FAM163A: variants seen among roughly 807,000 people sequenced by gnomAD.
FAM163A encodes the protein protein FAM163A.
FAM163A carries 7 observed loss-of-function variants against 12.0 expected under a neutral mutation model. The observed-to-expected ratio is 0.58, with a 90% CI of 0.33 to 1.10. FAM163A has a LOEUF of 1.10. FAM163A is among the 50% of genes least tolerant of loss of function. The probability of loss-of-function intolerance (pLI) is 0.03; values close to 1 mark genes in which losing one functional copy is unlikely to be tolerated. For missense variants in FAM163A, 202 were observed against 218.6 expected, an observed-to-expected ratio of 0.92 and a Z score of 0.48; for synonymous variants, 101 against 91.0, an observed-to-expected ratio of 1.11 and a Z score of -0.62.
chr1:179,735,495 CTTTTTTTTTTTTTT>C, the FAM163A span, among the ~76,000 whole-genome samples: 2 of 62,184 alleles, frequency 3.2e-5, no homozygotes, highest in East Asian at 5.3e-4. Flanking sequence ...GAGTTACATT[CTTTTTTTTTTTTTT>C]TTTTTTTTTT....
the FAM163A span, among the ~76,000 whole-genome samples, chr1:179,733,389 G>C: frequency 1.3e-5 from 2 of 152,100 alleles, no homozygotes; most frequent in African/African-American, 4.8e-5. Context: ...TGGTTCCCAA[G>C]AAATGACTAT....
intron 1 of FAM163A, among the ~76,000 whole-genome samples, chr1:179,761,117 A>T (rs1018947623): frequency 6.6e-6 from 1 of 152,228 alleles, no homozygotes; most frequent in African/African-American, 2.4e-5. Context: ...AAAAATAGTC[A>T]TGATATATTA....
At chr1:179,754,049 C>A (rs1425398912) in intron 1 of FAM163A, among the ~76,000 whole-genome samples, 1 of 152,190 alleles carries the variant, frequency 6.6e-6, no homozygotes, top group Non-Finnish European at 1.5e-5. Context: ...CCAATTCTCC[C>A]AGGCGGGTGA....
At chr1:179,733,489 A>G in the FAM163A span, among the ~76,000 whole-genome samples, 1 of 152,198 alleles carries the variant, frequency 6.6e-6, no homozygotes, top group Admixed American at 6.5e-5. Flanking sequence ...AAACATGTAA[A>G]GCTAAATAAA....
intron 2 of FAM163A, among the ~76,000 whole-genome samples, chr1:179,811,365 G>A (rs577265793): frequency 8.5e-4 from 130 of 152,312 alleles, no homozygotes; most frequent in African/African-American, 2.9e-3. Context: ...CTTCACTGGT[G>A]TGGGGGACAG....
chr1:179,814,199 C>T lies in FAM163A; in HGVS notation c.*10C>T. On this transcript the variant is annotated 3_prime_UTR_variant, in exon 5 of 5. Coordinates refer to ENST00000341785, the MANE Select transcript of FAM163A (RefSeq NM_173509.3). ...TAGTACAGACGTGTAAATCCTTCCA[C>T]CCCGACCCGCACACACACCCACACT... The T allele has an allele frequency of 6.3e-7, 1 of 1,594,062 alleles. No homozygotes were observed. Among genetic ancestry groups the T allele is most frequent in the Middle Eastern group, 1.7e-4 (1 of 6,004 alleles).
At chr1:179,729,708 G>A in the FAM163A span, among the ~76,000 whole-genome samples, 10 of 152,104 alleles carry the variant, frequency 6.6e-5, no homozygotes, top group Non-Finnish European at 1.5e-4. Context: ...TTCCCCAAAG[G>A]GATTTATTCT....
At chr1:179,740,591 C>A (rs948907782), upstream of FAM163A, among the ~76,000 whole-genome samples, 2 of 151,996 alleles carry the variant, frequency 1.3e-5, no homozygotes, top group Non-Finnish European at 2.9e-5. Flanking sequence ...CAGGTTGCTG[C>A]GTGGGAAAAA....
At position 179,813,636 on chromosome 1, in the gene FAM163A, C is replaced by G. The variant is rs1006655719; in HGVS notation, c.94-143C>G. The G allele has an allele frequency of 5.5e-6, 5 of 902,598 alleles. No homozygotes were observed. The African/African-American group carries it at 8.4e-5, about 15-fold the overall frequency. 55.9% of individuals were successfully genotyped at this position (902,598 alleles called of 1,614,324 possible). On this transcript the variant is annotated intron_variant, in intron 4 of 4. Coordinates refer to ENST00000341785, the MANE Select transcript of FAM163A (RefSeq NM_173509.3). ...GGCCTTGCAAAGCTGGGATTAGAAA[C>G]TTGTGGAGCAGGCCCCTGGGGTTCA...
intron 1 of FAM163A, among the ~76,000 whole-genome samples, chr1:179,757,456 A>G (rs1034705290): frequency 3.9e-5 from 6 of 152,182 alleles, no homozygotes; most frequent in Non-Finnish European, 5.9e-5. Context: ...TAGGAAGCTT[A>G]AATCATTTAC....
intron 1 of FAM163A, among the ~76,000 whole-genome samples, chr1:179,781,110 G>A (rs972461890): frequency 1.3e-5 from 2 of 152,202 alleles, no homozygotes; most frequent in Non-Finnish European, 2.9e-5. Context: ...TTAACCGAGA[G>A]TGAAAGTAGA....
intron 1 of FAM163A, among the ~76,000 whole-genome samples, chr1:179,766,418 T>G (rs932381091): frequency 1.3e-5 from 2 of 152,194 alleles, no homozygotes; most frequent in Non-Finnish European, 2.9e-5. Flanking sequence ...CTGGCTGGGT[T>G]TCCCCACTCA....
chr1:179,775,953 C>A (rs974670582), intron 1 of FAM163A, among the ~76,000 whole-genome samples: 2 of 152,060 alleles, frequency 1.3e-5, no homozygotes, highest in Admixed American at 6.6e-5. Flanking sequence ...CCTATTAATT[C>A]TTTGCTATAA....
intron 1 of FAM163A, among the ~76,000 whole-genome samples, chr1:179,746,539 G>A (rs1432263764): frequency 1.3e-5 from 2 of 152,186 alleles, no homozygotes; most frequent in Non-Finnish European, 2.9e-5. Context: ...TGTTATACAA[G>A]AGGAAGGAGA....
At chr1:179,769,321 A>AT (rs10645895) in intron 1 of FAM163A, among the ~76,000 whole-genome samples, 2,753 of 145,724 alleles carry the variant, frequency 0.019, 89 homozygotes, top group African/African-American at 0.062. Context: ...AATTTTTTCA[A>AT]TTTTTTTTTT....
chr1:179,775,057 T>C, intron 1 of FAM163A, among the ~76,000 whole-genome samples: 1 of 152,202 alleles, frequency 6.6e-6, no homozygotes, highest in East Asian at 1.9e-4. Context: ...CTCCACATTG[T>C]GGGAGTTGGC....
chr1:179,770,063 G>A (rs1455676304), intron 1 of FAM163A, among the ~76,000 whole-genome samples: 3 of 151,666 alleles, frequency 2.0e-5, no homozygotes, highest in Non-Finnish European at 4.4e-5. Flanking sequence ...CTGCCACCAC[G>A]CCTGGCTACT....
rs1688602446 is a variant in FAM163A, at chr1:179,773,926, T to C, written c.-136+30503T>C. Among the ~76,000 whole-genome samples the C allele has an allele frequency of 2.0e-5, 3 of 152,316 alleles. 1 individual carries two copies. The South Asian group carries it at 6.2e-4, about 32-fold the overall frequency. On this transcript the variant is annotated intron_variant, in intron 1 of 4. Transcript: ENST00000341785. Reference sequence around the variant, plus strand: ...TAAACAGAGAATGAAAATGACTTTGTCTAATTGAAAGGGGCAGTGAGCAAA... The same window carrying C: ...TAAACAGAGAATGAAAATGACTTTGCCTAATTGAAAGGGGCAGTGAGCAAA...
At chr1:179,776,491 A>C (rs1571425646) in intron 1 of FAM163A, among the ~76,000 whole-genome samples, 1 of 136,012 alleles carries the variant, frequency 7.4e-6, no homozygotes. Flanking sequence ...ACTCCATTTC[A>C]AAAAAAAAAA....
Sources: gnomAD v4.1 joint callset for allele counts (sites outside exome capture counted in the v4.1 genomes callset) on GRCh38, gnomAD v4.1.1 for gene constraint, MANE v1.5 for transcripts, NCBI Gene and HGNC (gene_info 2026-07-23, HGNC 2026-07-21) for gene names.